The following IARS2 variants were observed in gnomAD, a reference collection of about 807,000 sequenced individuals.
IARS2 encodes the protein isoleucine--tRNA ligase, mitochondrial.
IARS2 carries 56 observed loss-of-function variants against 126.3 expected under a neutral mutation model. The observed-to-expected ratio is 0.44, with a 90% CI of 0.36 to 0.55. IARS2 has a LOEUF of 0.55. Among genes scored for constraint, IARS2 ranks in the 20% least tolerant of loss-of-function variants. IARS2 has a pLI of 0.00. For synonymous variants in IARS2, 407 were observed against 441.1 expected (o/e 0.92, Z 0.97); for missense variants, 1,127 against 1,245.9 (o/e 0.90, Z 1.44).
intron 12 of IARS2, among the ~76,000 whole-genome samples, chr1:220,118,545 G>A (rs1656974413): frequency 2.6e-5 from 4 of 152,058 alleles, no homozygotes; most frequent in Admixed American, 2.0e-4. Context: ...AATAAAAACA[G>A]AAGAAATAAT....
chr1:220,107,294 G>C, intron 10 of IARS2, 143 bp downstream of exon 10: 3 of 617,834 alleles, frequency 4.9e-6, no homozygotes, highest in Non-Finnish European at 8.5e-6. Context: ...TTAAAATGGA[G>C]TTTGGGACTT....
In IARS2 at chr1:220,124,707, C is replaced by T. The variant is rs557125912; in HGVS notation, c.1641-530C>T. Among the ~76,000 whole-genome samples, 24 of 152,272 alleles carry T rather than the reference C, an allele frequency of 1.6e-4. No individual in the cohort carries two copies. In the South Asian group the frequency reaches 4.8e-3, roughly 30 times the overall value. ...TGCATCTTGTGCAGATGCCTGTAAGCAGGGAGGGAGTCCTGGAAAGTTTTC... is the reference window on the plus strand; with the variant it reads ...TGCATCTTGTGCAGATGCCTGTAAGTAGGGAGGGAGTCCTGGAAAGTTTTC... On this transcript the variant is annotated intron_variant, in intron 12 of 22. Coordinates refer to ENST00000366922, the MANE Select transcript of IARS2 (RefSeq NM_018060.4).
Position 220,125,251 on chromosome 1 carries a change from A to G in IARS2, c.1655A>G (p.His552Arg). 2 of 1,611,900 alleles carry G rather than the reference A, an allele frequency of 1.2e-6. No homozygotes were observed. The highest frequency in any genetic ancestry group is 1.7e-6 in the Non-Finnish European group (2 of 1,178,204). Residue 552 changes from histidine to arginine, a missense_variant, in exon 13 of 23, where the codon CAT (histidine) becomes CGT (arginine). By Grantham distance (29) the His-to-Arg change is conservative. Transcript: ENST00000366922. ...CCCTGAAATAGCCAAACCACTGAGC[A>G]TATTGTTAAACTAGTGGAACAACAC... The part of the protein sequence containing the change: ...EYLINSQTTE[H>R]IVKLVEQHGS...
At chr1:220,130,422 A>G (rs1212433706) in intron 14 of IARS2, among the ~76,000 whole-genome samples, 2 of 152,150 alleles carry the variant, frequency 1.3e-5, no homozygotes, top group African/African-American at 2.4e-5. Flanking sequence ...AGTCTTAGCC[A>G]TAACATTTTT....
intron 17 of IARS2, among the ~76,000 whole-genome samples, chr1:220,138,311 A>AAATACTACT (rs1657420347): frequency 6.6e-6 from 1 of 152,132 alleles, no homozygotes; most frequent in South Asian, 2.1e-4. Context: ...TCTCTACTAA[A>AAATACTACT]AATACAAAAA....
intron 2 of IARS2, among the ~76,000 whole-genome samples, chr1:220,100,087 G>T (rs934544246): frequency 1.3e-5 from 2 of 152,152 alleles, no homozygotes; most frequent in Non-Finnish European, 2.9e-5. Flanking sequence ...AAAAGGCTCT[G>T]CTGCCCTCTG....
chr1:220,138,547 G>T (rs1657426935), intron 17 of IARS2, among the ~76,000 whole-genome samples: 1 of 151,452 alleles, frequency 6.6e-6, no homozygotes, highest in Non-Finnish European at 1.5e-5. Context: ...TATATAATTT[G>T]TATATAATAT....
At chr1:220,124,284 A>G (rs1490703210) in intron 12 of IARS2, among the ~76,000 whole-genome samples, 2 of 152,228 alleles carry the variant, frequency 1.3e-5, no homozygotes, top group African/African-American at 4.8e-5. Flanking sequence ...ATAATTTATT[A>G]CTGTATATCT....
At chr1:220,137,179 G>T (rs914432655) in intron 16 of IARS2, among the ~76,000 whole-genome samples, 2 of 151,816 alleles carry the variant, frequency 1.3e-5, no homozygotes, top group African/African-American at 4.8e-5. Context: ...TTTGTGATTC[G>T]TAAGCGTGAT....
Position 220,148,037 on chromosome 1 carries a change from A to G in IARS2, c.*402A>G, listed in dbSNP as rs1657646149. On this transcript the variant is annotated 3_prime_UTR_variant, in exon 23 of 23. Transcript: ENST00000366922. Reference sequence around the variant, plus strand: ...TACTGAAAATAAAGGCATTCTGGAAAAATACTGACTGATTTTGGTGCAGAA... The same window carrying G: ...TACTGAAAATAAAGGCATTCTGGAAGAATACTGACTGATTTTGGTGCAGAA... The G allele has an allele frequency of 2.7e-6, 1 of 371,044 alleles. No individual in the cohort carries two copies. Among genetic ancestry groups the G allele is most frequent in the East Asian group, 3.7e-5 (1 of 26,898 alleles). 23.0% of individuals were successfully genotyped at this position (371,044 alleles called of 1,614,324 possible).
rs762450476 is a variant in IARS2, at chr1:220,102,592, G to T, written c.847G>T (p.Ala283Ser). The T allele has an allele frequency of 1.2e-6, 2 of 1,609,884 alleles. No individual in the cohort carries two copies. The highest frequency in any genetic ancestry group is 2.2e-5 in the South Asian group (2 of 91,000). ...TCTCTTAAAGCCTTCTCCAAAATTG[G>T]CATCTCTTATAGGTAAGATTTATTC... ...FPLLKPSPKL[A>S]SLIDGSSPVS... Residue 283 changes from alanine (A) to serine (S), a missense_variant, in exon 6 of 23, where the codon GCA (alanine) becomes TCA (serine). Coordinates refer to ENST00000366922, the MANE Select transcript of IARS2 (RefSeq NM_018060.4).
intron 12 of IARS2, among the ~76,000 whole-genome samples, chr1:220,124,702 G>C (rs1657118372): frequency 6.6e-6 from 1 of 152,226 alleles, no homozygotes; most frequent in Non-Finnish European, 1.5e-5. Flanking sequence ...GCAGATGCCT[G>C]TAAGCAGGGA....
chr1:220,107,565 C>G (rs1656706036), intron 10 of IARS2, among the ~76,000 whole-genome samples: 1 of 152,162 alleles, frequency 6.6e-6, no homozygotes, highest in South Asian at 2.1e-4. Flanking sequence ...TTTCTGTCTT[C>G]CTTTACAGAT....
intron 12 of IARS2, among the ~76,000 whole-genome samples, chr1:220,120,622 T>G (rs1323728927): frequency 6.6e-6 from 1 of 152,056 alleles, no homozygotes; most frequent in African/African-American, 2.4e-5. Flanking sequence ...ATGATCCACC[T>G]ATCTCAGCCT....
intron 22 of IARS2, 102 bp downstream of exon 22, chr1:220,145,755 A>T: frequency 1.2e-6 from 1 of 863,834 alleles, no homozygotes; most frequent in South Asian, 2.5e-5. Flanking sequence ...AGGTAGATAT[A>T]TACTTGGAAT....
intron 20 of IARS2, 135 bp downstream of exon 20, chr1:220,142,083 T>C: frequency 1.2e-6 from 1 of 818,416 alleles, no homozygotes; most frequent in South Asian, 1.8e-5. Flanking sequence ...GTCTTGGTCA[T>C]GTATTTGTTT....
At position 220,140,187 on chromosome 1, in the gene IARS2, C is replaced by T. The variant is rs139473192; in HGVS notation, c.2312C>T (p.Thr771Ile). Residue 771 changes from threonine to isoleucine, a missense_variant, in exon 19 of 23, where the codon ACC (threonine) becomes ATC (isoleucine). Physicochemically the swap from Thr to Ile is moderately conservative, Grantham distance 89 (BLOSUM62 -1). Coordinates refer to ENST00000366922, the MANE Select transcript of IARS2 (RefSeq NM_018060.4). ...TATTTTGGCTTTGTTCCCTAGATTA[C>T]CGAATTATACAAACAATATGATTTT... ...HLLQDLANKI[T>I]ELYKQYDFGK... 5 of 1,602,648 alleles carry T rather than the reference C, an allele frequency of 3.1e-6. No individual in the cohort carries two copies. Among genetic ancestry groups the T allele is most frequent in the Non-Finnish European group, 4.3e-6 (5 of 1,170,218 alleles).
intron 10 of IARS2, among the ~76,000 whole-genome samples, chr1:220,110,124 G>A (rs766232042): frequency 2.0e-5 from 3 of 151,398 alleles, no homozygotes; most frequent in Non-Finnish European, 3.0e-5. Flanking sequence ...GCACAATCTC[G>A]GTTCACTACA....
chr1:220,138,632 A>T (rs1657428292), intron 17 of IARS2, among the ~76,000 whole-genome samples: 1 of 151,948 alleles, frequency 6.6e-6, no homozygotes, highest in Non-Finnish European at 1.5e-5. Context: ...ACTTTTATGT[A>T]CTCAATAACC....
Sources: gnomAD v4.1 joint callset for allele counts (sites outside exome capture counted in the v4.1 genomes callset) on GRCh38, gnomAD v4.1.1 for gene constraint, MANE v1.5 for transcripts, NCBI Gene and HGNC (gene_info 2026-07-23, HGNC 2026-07-21) for gene names.